The following HABP4 variants were observed in gnomAD, a reference collection of about 807,000 sequenced individuals.
HABP4 encodes the protein intracellular hyaluronan-binding protein 4.
A neutral mutation model predicts 44.1 loss-of-function variants in HABP4; 32 were observed. That is an observed-to-expected ratio of 0.73 (90% CI 0.55 to 0.97). The LOEUF is 0.97. HABP4 is among the 50% of genes least tolerant of loss of function. HABP4 has a pLI of 0.00. For synonymous variants in HABP4, 216 were observed against 218.0 expected, an observed-to-expected ratio of 0.99 and a Z score of 0.08; for missense variants, 503 against 561.9, an observed-to-expected ratio of 0.90 and a Z score of 1.06.
intron 5 of HABP4, among the ~76,000 whole-genome samples, chr9:96,471,978 G>A (rs1483854033): frequency 3.3e-5 from 5 of 152,000 alleles, no homozygotes; most frequent in South Asian, 2.1e-4. Context: ...TAGTAGAGAC[G>A]GGGTTTCTCC....
intron 2 of HABP4, among the ~76,000 whole-genome samples, chr9:96,460,880 TA>T (rs1832489492): frequency 6.6e-6 from 1 of 152,178 alleles, no homozygotes; most frequent in South Asian, 2.1e-4. Flanking sequence ...CTTAGTTTCT[TA>T]AAAAATACCC....
chr9:96,489,330 C>A (rs1833036531), intron 7 of HABP4, among the ~76,000 whole-genome samples: 1 of 152,152 alleles, frequency 6.6e-6, no homozygotes. Context: ...ACTCTGAGAT[C>A]CAGTGCCACC....
At chr9:96,451,936 CAA>C in intron 1 of HABP4, among the ~76,000 whole-genome samples, 1 of 152,112 alleles carries the variant, frequency 6.6e-6, no homozygotes, top group Non-Finnish European at 1.5e-5. Flanking sequence ...TATTTTTTAA[CAA>C]ATGAAAATGC....
At position 96,488,372 on chromosome 9, in the gene HABP4, T is replaced by C. The variant is rs1261294091; in HGVS notation, c.1185+98T>C. On this transcript the variant is annotated intron_variant, in intron 7 of 7. Coordinates refer to ENST00000375249, the MANE Select transcript of HABP4 (RefSeq NM_014282.4). This position sits in a 1 kb window ranked among gnomAD's most constrained non-coding sequence, Gnocchi z 4.6. The stretch of plus-strand genomic sequence containing the variant: ...TTCAGAGGGTCATGAGTTTCTGCAG[T>C]CACTTCTTTCTGTAGCTAGTGTGGG... 27 of 742,114 alleles carry C rather than the reference T, an allele frequency of 3.6e-5. No homozygotes were observed. Among genetic ancestry groups the C allele is most frequent in the South Asian group, 1.1e-4 (6 of 53,364 alleles). The allele number at this position is 742,114 out of a possible 1,614,324, so 46.0% of individuals were successfully genotyped here.
intron 6 of HABP4, among the ~76,000 whole-genome samples, chr9:96,485,243 G>A (rs1285772192): frequency 2.0e-5 from 3 of 152,128 alleles, no homozygotes; most frequent in South Asian, 4.1e-4. Context: ...TAGAGACGGG[G>A]CTTTTCCATG....
chr9:96,474,001 A>G (rs1048348216), intron 5 of HABP4, among the ~76,000 whole-genome samples: 1 of 152,140 alleles, frequency 6.6e-6, no homozygotes, highest in Admixed American at 6.5e-5. Context: ...ACGTACCTAC[A>G]TTATAGGGTT....
chr9:96,460,064 A>G (rs1448817627), intron 2 of HABP4, among the ~76,000 whole-genome samples: 3 of 152,194 alleles, frequency 2.0e-5, no homozygotes, highest in African/African-American at 7.2e-5. Context: ...TGAGGAAATT[A>G]TAGTTCACTT....
At chr9:96,480,122 C>T (rs369256524) in intron 5 of HABP4, among the ~76,000 whole-genome samples, 2 of 152,104 alleles carry the variant, frequency 1.3e-5, no homozygotes, top group East Asian at 1.9e-4. Context: ...TTGCAGTGAG[C>T]AGAGATCATA....
intron 1 of HABP4, chr9:96,451,406 C>T: frequency 1.1e-6 from 1 of 897,988 alleles, no homozygotes; most frequent in Non-Finnish European, 1.3e-6. Context: ...TTCATTCTCT[C>T]ACCGAACTGC....
intron 2 of HABP4, among the ~76,000 whole-genome samples, chr9:96,459,881 A>T (rs973224760): frequency 3.3e-5 from 5 of 152,226 alleles, no homozygotes; most frequent in Admixed American, 1.3e-4. Context: ...ACCATGTTGG[A>T]GGGAGAAACT....
rs200039443 is a variant in HABP4 at position 96,488,224 on chromosome 9, C to T, written c.1135C>T (p.Arg379Trp). The change falls in exon 7 of 8, where the codon CGG becomes TGG. Residue 379 changes from arginine (R) to tryptophan (W), a missense_variant. By Grantham distance (101) the Arg-to-Trp change is moderately radical (BLOSUM62 -3). Around this residue, in one of 3 missense-constraint regions of HABP4, gnomAD observed 82 missense variants for 71.6 expected, o/e 1.15. Coordinates refer to ENST00000375249, the MANE Select transcript of HABP4 (RefSeq NM_014282.4). This position sits in a 1 kb window ranked among gnomAD's most constrained non-coding sequence, Gnocchi z 4.6. Reference protein sequence around the residue: ...RGARGGTRGGRGRIRRAENYG... With the variant: ...RGARGGTRGGWGRIRRAENYG... ...AGCCAGAGGAGGCACCCGGGGAGGC[C>T]GGGGAAGGATCAGGAGGGCAGAGAA... is the stretch of plus-strand genomic sequence containing the variant. The T allele has an allele frequency of 1.3e-4, 203 of 1,613,712 alleles. No individual in the cohort carries two copies. In the East Asian group the frequency reaches 4.2e-3, roughly 33 times the overall value.
chr9:96,469,423 A>G (rs1447223563), intron 4 of HABP4, among the ~76,000 whole-genome samples: 1 of 152,236 alleles, frequency 6.6e-6, no homozygotes, highest in East Asian at 1.9e-4. Context: ...ATTTTATGGA[A>G]CATATGTGCA....
intron 5 of HABP4, chr9:96,482,976 G>A (rs897212309): frequency 6.6e-6 from 1 of 152,208 alleles, no homozygotes; most frequent in African/African-American, 2.4e-5. Flanking sequence ...TTTTCATGTG[G>A]ATGTGTGTTT....
At chr9:96,452,228 A>C (rs1176830524) in intron 1 of HABP4, among the ~76,000 whole-genome samples, 1 of 37,020 alleles carries the variant, frequency 2.7e-5, no homozygotes, top group Non-Finnish European at 5.6e-5. Flanking sequence ...CTCCGTCACA[A>C]AAAAAAAAAA....
chr9:96,457,286 A>G (rs1832411357), intron 1 of HABP4, among the ~76,000 whole-genome samples: 1 of 152,080 alleles, frequency 6.6e-6, no homozygotes, highest in Non-Finnish European at 1.5e-5. Context: ...GGTTGCAGTG[A>G]GCCGAGATCG....
rs1587692706 is a variant in HABP4 at position 96,490,554 on chromosome 9, G to T, written c.*516G>T. 1 of 152,556 alleles carries T rather than the reference G, an allele frequency of 6.6e-6. No individual in the cohort carries two copies. Among genetic ancestry groups the T allele is most frequent in the South Asian group, 2.1e-4 (1 of 4,844 alleles). 9.5% of individuals were successfully genotyped at this position (152,556 alleles called of 1,614,324 possible). On this transcript the variant is annotated 3_prime_UTR_variant, in exon 8 of 8. Coordinates refer to ENST00000375249, the MANE Select transcript of HABP4 (RefSeq NM_014282.4). ...CTCTCCTGGAATATTTTGAGTTCTG[G>T]TTTTCACTTAACCAATCATTTAAAA...
At chr9:96,456,128 T>A (rs1303306298) in intron 1 of HABP4, among the ~76,000 whole-genome samples, 1 of 152,104 alleles carries the variant, frequency 6.6e-6, no homozygotes, top group Non-Finnish European at 1.5e-5. Context: ...CCTAAACATA[T>A]CACAAGCCTC....
chr9:96,483,667 G>T (rs1195155534), intron 5 of HABP4: 1 of 152,168 alleles, frequency 6.6e-6, no homozygotes, highest in Non-Finnish European at 1.5e-5. Context: ...GGTGTCCTTT[G>T]TAGTATAAAA....
chr9:96,458,952 C>G (rs1031909367), intron 2 of HABP4, among the ~76,000 whole-genome samples: 5 of 152,088 alleles, frequency 3.3e-5, no homozygotes, highest in Non-Finnish European at 7.4e-5. Context: ...CTGGCTACTG[C>G]TTTTTGTGGT....
Sources: gnomAD v4.1 joint callset for allele counts (sites outside exome capture counted in the v4.1 genomes callset) on GRCh38, gnomAD v4.1.1 for gene constraint, gnomAD v4.1.1 regional missense constraint, Gnocchi (gnomAD v3.1) non-coding constraint, MANE v1.5 for transcripts, NCBI Gene and HGNC (gene_info 2026-07-23, HGNC 2026-07-21) for gene names.